The following CORO2B variants were observed in gnomAD, a reference collection of about 807,000 sequenced individuals.
The protein encoded by CORO2B is coronin 2B.
CORO2B carries 26 observed loss-of-function variants against 58.8 expected under a neutral mutation model. The observed-to-expected ratio is 0.44, with a 90% CI of 0.32 to 0.61. CORO2B has a LOEUF of 0.61. Ranked by LOEUF, CORO2B falls within the 20% of genes least tolerant of loss-of-function variation. The pLI is 0.04. For synonymous variants in CORO2B, 242 were observed against 253.8 expected (o/e 0.95, Z 0.44); for missense variants, 460 against 645.1 (o/e 0.71, Z 3.11).
chr15:68,705,771 A>G (rs2140322630), intron 3 of CORO2B, among the ~76,000 whole-genome samples: 1 of 152,242 alleles, frequency 6.6e-6, no homozygotes, highest in Non-Finnish European at 1.5e-5. Context: ...TCAGCATGTC[A>G]GCTCATGTAT....
At chr15:68,636,401 C>T (rs749212338) in intron 1 of CORO2B, among the ~76,000 whole-genome samples, 2 of 152,204 alleles carry the variant, frequency 1.3e-5, no homozygotes. Context: ...TAGACCGTGT[C>T]TCTGGCTGGG....
intron 3 of CORO2B, among the ~76,000 whole-genome samples, chr15:68,702,494 A>G (rs571867020): frequency 6.6e-6 from 1 of 152,262 alleles, no homozygotes; most frequent in Admixed American, 6.5e-5. Context: ...CAGTGAGTCC[A>G]GTGCTCAGAA....
intron 1 of CORO2B, among the ~76,000 whole-genome samples, chr15:68,611,186 A>G (rs1275043894): frequency 6.6e-6 from 1 of 152,176 alleles, no homozygotes; most frequent in Non-Finnish European, 1.5e-5. Context: ...CTGGAGTAAC[A>G]CGCTCCATGA....
intron 1 of CORO2B, among the ~76,000 whole-genome samples, chr15:68,617,734 G>A (rs1188041121): frequency 6.6e-6 from 1 of 152,134 alleles, no homozygotes; most frequent in Non-Finnish European, 1.5e-5. Context: ...GGAGTCCTGG[G>A]TAAGCAGGGA....
intron 1 of CORO2B, 40 bp downstream of exon 1, chr15:68,579,317 G>T: frequency 7.8e-7 from 1 of 1,275,886 alleles, no homozygotes; most frequent in Non-Finnish European, 9.9e-7. Flanking sequence ...ACCCGCCGGC[G>T]CCTGCATCCC....
chr15:68,593,880 GAGAGAAGAGA>G (rs971225607), intron 1 of CORO2B, among the ~76,000 whole-genome samples: 1 of 152,068 alleles, frequency 6.6e-6, no homozygotes, highest in South Asian at 2.1e-4. Flanking sequence ...TGAGAAGGGC[GAGAGAAGAGA>G]AGAGAAGAGG....
intron 8 of CORO2B, among the ~76,000 whole-genome samples, chr15:68,716,674 T>C (rs1893039223): frequency 6.6e-6 from 1 of 152,064 alleles, no homozygotes; most frequent in Non-Finnish European, 1.5e-5. Context: ...TCTGTGATGA[T>C]GGTATTTTAA....
chr15:68,587,354 G>T (rs1899594462), intron 1 of CORO2B, among the ~76,000 whole-genome samples: 2 of 152,146 alleles, frequency 1.3e-5, no homozygotes, highest in African/African-American at 2.4e-5. Flanking sequence ...GGAGGCTCTG[G>T]CTGCCCAGAG....
intron 1 of CORO2B, among the ~76,000 whole-genome samples, chr15:68,627,967 C>A (rs1900729575): frequency 6.6e-6 from 1 of 152,138 alleles, no homozygotes; most frequent in Non-Finnish European, 1.5e-5. Context: ...CCGAAATCTT[C>A]CCTCCCTGCC....
chr15:68,704,404 C>G (rs1892734324), intron 3 of CORO2B, among the ~76,000 whole-genome samples: 1 of 152,040 alleles, frequency 6.6e-6, no homozygotes, highest in African/African-American at 2.4e-5. Context: ...TATAGCAGCT[C>G]TGCTGTATGG....
chr15:68,706,525 T>C (rs975103713), intron 3 of CORO2B, among the ~76,000 whole-genome samples: 1 of 152,204 alleles, frequency 6.6e-6, no homozygotes, highest in Non-Finnish European at 1.5e-5. Context: ...AAGATCTTTC[T>C]TGATGGCCAG....
the CORO2B span, among the ~76,000 whole-genome samples, chr15:68,547,140 G>A: frequency 3.3e-5 from 5 of 152,180 alleles, no homozygotes; most frequent in African/African-American, 1.2e-4. Flanking sequence ...CAGGATAATT[G>A]CTAGAGGTTT....
chr15:68,612,029 C>T (rs918351599), intron 1 of CORO2B, among the ~76,000 whole-genome samples: 1 of 152,176 alleles, frequency 6.6e-6, no homozygotes, highest in African/African-American at 2.4e-5. Flanking sequence ...CCTCCACTGC[C>T]CAAAGTGCAG....
intron 1 of CORO2B, among the ~76,000 whole-genome samples, chr15:68,600,290 T>C (rs537977126): frequency 6.6e-6 from 1 of 152,286 alleles, no homozygotes; most frequent in Non-Finnish European, 1.5e-5. Context: ...TGTCACCTCC[T>C]CCAGGAAGCC....
chr15:68,701,646 C>T (rs1453967074), intron 3 of CORO2B, among the ~76,000 whole-genome samples: 8 of 151,772 alleles, frequency 5.3e-5, no homozygotes, highest in Non-Finnish European at 1.0e-4. Flanking sequence ...CCACCATGCC[C>T]GGCTAATTTT....
At chr15:68,702,647 C>A (rs1218482399) in intron 3 of CORO2B, among the ~76,000 whole-genome samples, 2 of 151,956 alleles carry the variant, frequency 1.3e-5, no homozygotes, top group Admixed American at 6.6e-5. Flanking sequence ...TAAGCAAACA[C>A]CTTCAGCTTT....
chr15:68,696,326 A>G (rs1332170713), intron 3 of CORO2B, among the ~76,000 whole-genome samples: 2 of 151,894 alleles, frequency 1.3e-5, no homozygotes, highest in Admixed American at 6.6e-5. Flanking sequence ...AGGCAGGTGG[A>G]TCATTTGAGG....
chr15:68,574,698 A>T (rs541638390), upstream of CORO2B, among the ~76,000 whole-genome samples: 1 of 152,354 alleles, frequency 6.6e-6, no homozygotes, highest in Admixed American at 6.5e-5. Context: ...TTGTGATTTT[A>T]AAAAAGAGAA....
chr15:68,616,220 T>C (rs1039693362), intron 1 of CORO2B, among the ~76,000 whole-genome samples: 2 of 152,196 alleles, frequency 1.3e-5, no homozygotes, highest in African/African-American at 4.8e-5. Flanking sequence ...GAATTATCAC[T>C]GGAGCCTTCT....
Sources: allele counts gnomAD v4.1 joint callset (sites outside exome capture counted in the v4.1 genomes callset), GRCh38; gene constraint gnomAD v4.1.1; transcripts MANE v1.5; gene names NCBI Gene and HGNC (gene_info 2026-07-23, HGNC 2026-07-21).